The following GRID1 variants were observed in gnomAD, a reference collection of about 807,000 sequenced individuals.
The protein encoded by GRID1 is glutamate receptor ionotropic, delta-1.
A neutral mutation model predicts 98.0 loss-of-function variants in GRID1; 28 were observed. That is an observed-to-expected ratio of 0.29 (90% CI 0.21 to 0.39). The LOEUF is 0.39. GRID1 is among the 10% of genes least tolerant of loss of function. The probability of loss-of-function intolerance (pLI) is 1.00; values close to 1 mark genes in which losing one functional copy is unlikely to be tolerated. For missense variants in GRID1, 1,111 were observed against 1,340.5 expected (o/e 0.83, Z 2.67); for synonymous variants, 553 against 538.5 (o/e 1.03, Z -0.37).
intron 4 of GRID1, among the ~76,000 whole-genome samples, chr10:85,920,290 G>A (rs1841684391): frequency 6.6e-6 from 1 of 152,124 alleles, no homozygotes; most frequent in South Asian, 2.1e-4. Context: ...GTTATTGTGA[G>A]AGTCAAATGA....
chr10:85,704,731 T>A (rs1841495287), intron 12 of GRID1, among the ~76,000 whole-genome samples: 1 of 152,172 alleles, frequency 6.6e-6, no homozygotes, highest in Non-Finnish European at 1.5e-5. Context: ...AAGGCACGCC[T>A]CAGCAAATGT....
At chr10:86,308,774 G>A (rs1047736915) in intron 2 of GRID1, among the ~76,000 whole-genome samples, 2 of 152,172 alleles carry the variant, frequency 1.3e-5, no homozygotes, top group Admixed American at 6.5e-5. Flanking sequence ...TCATCTCATA[G>A]CAGAAGGCGG....
chr10:86,154,734 G>T (rs1272499851), intron 3 of GRID1, among the ~76,000 whole-genome samples: 1 of 152,172 alleles, frequency 6.6e-6, no homozygotes, highest in Non-Finnish European at 1.5e-5. Flanking sequence ...TCCAACAGAA[G>T]CCCACACCTG....
intron 4 of GRID1, among the ~76,000 whole-genome samples, chr10:86,013,197 A>T (rs1842941060): frequency 1.3e-5 from 2 of 152,052 alleles, no homozygotes; most frequent in Admixed American, 1.3e-4. Flanking sequence ...TTCCCGATTG[A>T]CTCTCCCTGA....
At chr10:86,352,984 C>T (rs2132117987) in intron 2 of GRID1, among the ~76,000 whole-genome samples, 1 of 152,348 alleles carries the variant, frequency 6.6e-6, no homozygotes, top group Middle Eastern at 3.4e-3. Context: ...ACCACCACTG[C>T]AATGACCATC....
chr10:85,898,284 C>A (rs570122372), intron 5 of GRID1, among the ~76,000 whole-genome samples: 10 of 152,208 alleles, frequency 6.6e-5, no homozygotes, highest in African/African-American at 2.4e-4. Flanking sequence ...ATGGAGCTTG[C>A]AGAACAGGAA....
chr10:86,051,707 A>C (rs1843505492), intron 4 of GRID1, among the ~76,000 whole-genome samples: 1 of 152,258 alleles, frequency 6.6e-6, no homozygotes, highest in Admixed American at 6.5e-5. Context: ...TCTTGTTCAA[A>C]AGAGAAATGC....
intron 4 of GRID1, among the ~76,000 whole-genome samples, chr10:86,102,599 G>A (rs1163441304): frequency 6.6e-6 from 1 of 152,212 alleles, no homozygotes; most frequent in Non-Finnish European, 1.5e-5. Context: ...CTCTAAGGAG[G>A]AATGCAGGCC....
chr10:86,102,658 G>A (rs1382950092), intron 4 of GRID1, among the ~76,000 whole-genome samples: 5 of 152,242 alleles, frequency 3.3e-5, no homozygotes, highest in Non-Finnish European at 7.3e-5. Context: ...CCCTACCTGG[G>A]AGCAGTGCCA....
rs142597075 is a variant in GRID1, at chr10:85,607,791, G to A, written c.2602-5090C>T. 3.6e-3 allele frequency among the ~76,000 whole-genome samples: 543 copies of A among 151,702 alleles called. 4 individuals carry two copies. Among genetic ancestry groups the A allele is most frequent in the African/African-American group, 0.013 (527 of 41,376 alleles). On this transcript the variant is annotated intron_variant, in intron 15 of 15. Coordinates refer to ENST00000327946, the MANE Select transcript of GRID1 (RefSeq NM_017551.3). ...TCACATCTACCAGGTTCCCAAACCT[G>A]GGCTCTTTCCTTTTCCTTTTTTTTT...
At chr10:86,115,479 G>A (rs1403308572) in intron 4 of GRID1, among the ~76,000 whole-genome samples, 1 of 152,186 alleles carries the variant, frequency 6.6e-6, no homozygotes, top group Non-Finnish European at 1.5e-5. Context: ...CTAGGTAAAT[G>A]TGCTAGGCAC....
intron 6 of GRID1, among the ~76,000 whole-genome samples, chr10:85,859,068 A>G (rs1201339250): frequency 6.6e-6 from 1 of 152,208 alleles, no homozygotes; most frequent in Admixed American, 6.5e-5. Flanking sequence ...GCTCTTTTCC[A>G]GGCATAGATA....
At chr10:86,007,562 T>C (rs939888227) in intron 4 of GRID1, among the ~76,000 whole-genome samples, 4 of 152,240 alleles carry the variant, frequency 2.6e-5, no homozygotes, top group African/African-American at 2.4e-5. Flanking sequence ...AGGAGTATCT[T>C]ACAAGATGTT....
chr10:86,116,766 G>A (rs955392472), intron 4 of GRID1, among the ~76,000 whole-genome samples: 1 of 151,484 alleles, frequency 6.6e-6, no homozygotes, highest in Non-Finnish European at 1.5e-5. Context: ...ATGTGGCCAG[G>A]GGCTAAGGCT....
chr10:86,348,210 G>A (rs1378889580), intron 2 of GRID1, among the ~76,000 whole-genome samples: 1 of 152,232 alleles, frequency 6.6e-6, no homozygotes, highest in Non-Finnish European at 1.5e-5. Flanking sequence ...ACCCCTGCAT[G>A]TGCCTAGGCC....
intron 13 of GRID1, 25 bp downstream of exon 13, chr10:85,647,177 T>C (rs764582511): frequency 3.2e-5 from 52 of 1,602,690 alleles, no homozygotes; most frequent in Non-Finnish European, 4.3e-5. Context: ...ACAGTGCACG[T>C]GCCCAAGCGC....
At chr10:86,129,671 C>T (rs1331537028) in intron 4 of GRID1, among the ~76,000 whole-genome samples, 2 of 152,220 alleles carry the variant, frequency 1.3e-5, no homozygotes, top group African/African-American at 2.4e-5. Flanking sequence ...AGGCACATGG[C>T]CCCAGGTCAC....
intron 3 of GRID1, among the ~76,000 whole-genome samples, chr10:86,189,933 TCCTTGCTAACACCCCA>T (rs1448562865): frequency 6.6e-6 from 1 of 152,022 alleles, no homozygotes; most frequent in Non-Finnish European, 1.5e-5. Context: ...CACCTAACCC[TCCTTGCTAACACCCCA>T]CTCTCTGACC....
chr10:86,207,066 C>A (rs1157163940), intron 2 of GRID1, among the ~76,000 whole-genome samples: 1 of 152,198 alleles, frequency 6.6e-6, no homozygotes, highest in East Asian at 1.9e-4. Context: ...TGTGCATCCT[C>A]ATGCCTAGCC....
Sources: allele counts gnomAD v4.1 joint callset (sites outside exome capture counted in the v4.1 genomes callset), GRCh38; gene constraint gnomAD v4.1.1; transcripts MANE v1.5; gene names NCBI Gene and HGNC (gene_info 2026-07-23, HGNC 2026-07-21).